The following DSP variants were observed in gnomAD, a reference collection of about 807,000 sequenced individuals.
The protein encoded by DSP is desmoplakin, also known as 250/210 kDa paraneoplastic pemphigus antigen.
Under a neutral mutation model 290.6 loss-of-function variants are expected in DSP, and 114 were observed. The ratio of observed to expected loss-of-function variants is 0.39; its 90% CI spans 0.34 to 0.46. The LOEUF (loss-of-function observed/expected upper bound fraction) is 0.46. Among genes scored for constraint, DSP ranks in the 20% least tolerant of loss-of-function variants. The pLI is 0.99. For missense variants in DSP, 3,230 were observed against 3,495.8 expected (o/e 0.92, Z 1.92); for synonymous variants, 1,311 against 1,316.4 (o/e 1.00, Z 0.09).
At chr6:7,574,035 G>C in intron 15 of DSP, 51 bp from the exon 16 acceptor site, 1 of 1,590,820 alleles carries the variant, frequency 6.3e-7, no homozygotes, top group Non-Finnish European at 8.6e-7. Flanking sequence ...AATATATACA[G>C]TAATAAAAAG....
At chr6:7,544,153 T>C (rs1436640951) in intron 1 of DSP, among the ~76,000 whole-genome samples, 2 of 152,248 alleles carry the variant, frequency 1.3e-5, no homozygotes, top group African/African-American at 4.8e-5. Flanking sequence ...GCGGTCATTC[T>C]TTCCGGGGAT....
Position 7,555,834 on chromosome 6 carries a change from G to C in DSP, c.273+14G>C. ...ATCGTGCAGCCTGTAAGCTTTCCCT[G>C]TTCCCATCGCTTCTCCCAAAGCCTT... On this transcript the variant is annotated intron_variant, in intron 2 of 23. Transcript: ENST00000379802. 1 of 1,611,604 alleles carries C rather than the reference G, an allele frequency of 6.2e-7. No individual in the cohort carries two copies. Among genetic ancestry groups the C allele is most frequent in the South Asian group, 1.1e-5 (1 of 90,854 alleles).
In DSP at chr6:7,586,028, G is replaced by C; in HGVS notation, c.*150G>C. The C allele has an allele frequency of 1.2e-6, 1 of 822,520 alleles. No individual in the cohort carries two copies. Among genetic ancestry groups the C allele is most frequent in the South Asian group, 1.7e-5 (1 of 60,332 alleles). 51.0% of individuals were successfully genotyped at this position (822,520 alleles called of 1,614,324 possible). On this transcript the variant is annotated 3_prime_UTR_variant, in exon 24 of 24. Transcript: ENST00000379802. ...ATATAGCCATGATTGAAATCAAATA[G>C]TAAAGGCTGTTCTGGCTTTTTATCT...
rs1242998482 is a variant in DSP, at chr6:7,567,457, T to C, written c.1140+8T>C. 3 of 1,609,154 alleles carry C rather than the reference T, an allele frequency of 1.9e-6. No individual in the cohort carries two copies. The African/African-American group carries it at 4.0e-5, about 21-fold the overall frequency. On this transcript the variant is annotated splice_region_variant and intron_variant, in intron 9 of 23. Transcript: ENST00000379802. ...AATGCTGCCTACTTTCAGGTTTTTA[T>C]ATTTAGTGATAATTTTGTTGTTATT...
chr6:7,552,279 G>C (rs1489897509), intron 1 of DSP, among the ~76,000 whole-genome samples: 3 of 152,130 alleles, frequency 2.0e-5, no homozygotes, highest in East Asian at 1.9e-4. Flanking sequence ...TATGAGACAG[G>C]GCGCGGTGGC....
In DSP at chr6:7,585,664, G is replaced by T; in HGVS notation, c.8402G>T (p.Arg2801Leu). The T allele has an allele frequency of 6.2e-7, 1 of 1,614,220 alleles. No individual in the cohort carries two copies. Among genetic ancestry groups the T allele is most frequent in the Non-Finnish European group, 8.5e-7 (1 of 1,180,042 alleles). The change falls in exon 24 of 24, where the codon CGC becomes CTC. Residue 2801 changes from arginine (R) to leucine (L), a missense_variant. Around this residue, in one of 5 missense-constraint regions of DSP, gnomAD observed 582 missense variants for 555.4 expected, o/e 1.05. Coordinates refer to ENST00000379802, the MANE Select transcript of DSP (RefSeq NM_004415.4). ...RSMVEDITGL[R>L]LLEAASVSSK... ...ATGGTAGAAGATATCACTGGGCTGC[G>T]CCTTCTGGAAGCCGCCTCCGTGTCG...
Position 7,584,898 on chromosome 6 carries a change from C to G in DSP, c.7636C>G (p.Gln2546Glu), listed in dbSNP as rs1759584938. 1 of 1,614,066 alleles carries G rather than the reference C, an allele frequency of 6.2e-7. No individual in the cohort carries two copies. The highest frequency in any genetic ancestry group is 1.1e-5 in the South Asian group (1 of 91,088). Residue 2546 changes from glutamine (Q) to glutamate (E), a missense_variant, in exon 24 of 24, where the codon CAG becomes GAG. Transcript: ENST00000379802. This position sits in a 1 kb window ranked among gnomAD's most constrained non-coding sequence, Gnocchi z 6.4. Reference sequence around the variant, plus strand: ...CCTTGTTGACAGGAAGTTCTTTGATCAGTACCGATCCGGCAGCCTCAGCCT... The same window carrying G: ...CCTTGTTGACAGGAAGTTCTTTGATGAGTACCGATCCGGCAGCCTCAGCCT... ...KGLVDRKFFD[Q>E]YRSGSLSLTQ...
At chr6:7,563,319 T>G (rs1417475805) in intron 5 of DSP, among the ~76,000 whole-genome samples, 1 of 151,676 alleles carries the variant, frequency 6.6e-6, no homozygotes, top group Non-Finnish European at 1.5e-5. Context: ...TAAACTTTTT[T>G]TTTTTTTTTT....
At chr6:7,570,647 T>C in intron 13 of DSP, 84 bp downstream of exon 13, 2 of 1,590,490 alleles carry the variant, frequency 1.3e-6, no homozygotes, top group Non-Finnish European at 1.7e-6. Context: ...TTCAACCTTC[T>C]TGCTGTGTAG....
At position 7,583,589 on chromosome 6, in the gene DSP, A is replaced by C; in HGVS notation, c.6327A>C (p.Glu2109Asp). 6.2e-7 allele frequency: 1 copy of C among 1,614,224 alleles called. No individual in the cohort carries two copies. The highest frequency in any genetic ancestry group is 8.5e-7 in the Non-Finnish European group (1 of 1,180,040). ...PFSGKTVSVSEAIKKNLIDRE... is the reference protein window; with the variant it reads ...PFSGKTVSVSDAIKKNLIDRE... Reference sequence around the variant, plus strand: ...CAGGCAAGACAGTATCTGTTTCAGAAGCCATCAAGAAAAATTTGATTGATA... The same window carrying C: ...CAGGCAAGACAGTATCTGTTTCAGACGCCATCAAGAAAAATTTGATTGATA... Residue 2109 changes from glutamate to aspartate, a missense_variant, in exon 24 of 24, where the codon GAA becomes GAC. This residue lies in a region of DSP where 1,714 missense variants were observed against 1,844.5 expected (regional missense o/e 0.93). Coordinates refer to ENST00000379802, the MANE Select transcript of DSP (RefSeq NM_004415.4). The surrounding 1 kb of genome is among the most constrained non-coding windows in gnomAD (Gnocchi z 4.0).
Position 7,582,858 on chromosome 6 carries a change from C to T in DSP, c.5596C>T (p.Gln1866Ter), listed in dbSNP as rs1199138047. The T allele has an allele frequency of 6.2e-7, 1 of 1,614,050 alleles. No homozygotes were observed. The highest frequency in any genetic ancestry group is 8.5e-7 in the Non-Finnish European group (1 of 1,180,018). Reference sequence around the variant, plus strand: ...ACAGCAAATTCAGAATGACCTGAATCAGTGGAAGACTCAATATTCCCGCAA... The same window carrying T: ...ACAGCAAATTCAGAATGACCTGAATTAGTGGAAGACTCAATATTCCCGCAA... ...EKQQIQNDLN[Q>*]WKTQYSRKEE... is the part of the protein sequence containing the mutation. The change falls in exon 24 of 24, where the codon CAG (glutamine) becomes TAG (stop). Residue 1866 changes from glutamine (Q) to a stop codon, truncating the protein, a stop_gained. Transcript: ENST00000379802. LOFTEE classifies it high-confidence loss of function. The surrounding 1 kb of genome is among the most constrained non-coding windows in gnomAD (Gnocchi z 4.2).
chr6:7,569,108 C>A, intron 11 of DSP, 78 bp from the exon 12 acceptor site: 1 of 1,595,276 alleles, frequency 6.3e-7, no homozygotes, highest in Non-Finnish European at 8.6e-7. Flanking sequence ...GTGTTCATCT[C>A]TGTTTCCATC....
At chr6:7,561,653 T>C (rs935389620) in intron 4 of DSP, among the ~76,000 whole-genome samples, 3 of 152,212 alleles carry the variant, frequency 2.0e-5, no homozygotes, top group Non-Finnish European at 2.9e-5. Context: ...GTCTCTGGTT[T>C]AAAGCCGAGA....
At chr6:7,576,601 C>CCCT in intron 19 of DSP, 145 bp downstream of exon 19, 2 of 1,060,088 alleles carry the variant, frequency 1.9e-6, no homozygotes, top group South Asian at 2.8e-5. Context: ...TTAAAGAATG[C>CCCT]CCAGAGGAAA....
chr6:7,547,287 C>A (rs563653349), intron 1 of DSP, among the ~76,000 whole-genome samples: 2 of 151,966 alleles, frequency 1.3e-5, no homozygotes, highest in African/African-American at 4.8e-5. Flanking sequence ...CTAGTGCAGT[C>A]CAATAATTTA....
chr6:7,561,888 G>T (rs1043841256), intron 4 of DSP, among the ~76,000 whole-genome samples: 3 of 152,182 alleles, frequency 2.0e-5, no homozygotes, highest in Non-Finnish European at 2.9e-5. Flanking sequence ...GCAAAAGAAG[G>T]GTGAGATAAT....
At chr6:7,556,604 A>G (rs756706038) in intron 2 of DSP, among the ~76,000 whole-genome samples, 3 of 152,180 alleles carry the variant, frequency 2.0e-5, no homozygotes, top group Non-Finnish European at 4.4e-5. Flanking sequence ...CCCCTTCTAA[A>G]TAGCCTACAT....
In DSP at chr6:7,580,503, CTG is replaced by C. The variant is rs757079451; in HGVS notation, c.4314_4315del (p.Glu1439GlyfsTer11). On this transcript the variant is annotated frameshift_variant, in exon 23 of 24. Coordinates refer to ENST00000379802, the MANE Select transcript of DSP (RefSeq NM_004415.4). LOFTEE classifies it high-confidence loss of function. This position sits in a 1 kb window ranked among gnomAD's most constrained non-coding sequence, Gnocchi z 4.2. ...ATCCAACAGCAAAAGGCCACTGGCT[CTG>C]AGGTGTCTCAGAGGAAACAGCAGCT... The C allele has an allele frequency of 6.2e-7, 1 of 1,614,048 alleles. No homozygotes were observed. The highest frequency in any genetic ancestry group is 2.2e-5 in the East Asian group (1 of 44,854).
intron 15 of DSP, among the ~76,000 whole-genome samples, chr6:7,572,819 C>G (rs1272324004): frequency 1.3e-5 from 2 of 152,172 alleles, no homozygotes; most frequent in Non-Finnish European, 2.9e-5. Context: ...CATACTTACA[C>G]AAACCTAGAT....
Sources: allele counts gnomAD v4.1 joint callset (sites outside exome capture counted in the v4.1 genomes callset), GRCh38; gene constraint gnomAD v4.1.1; regional missense constraint gnomAD v4.1.1; non-coding constraint Gnocchi (gnomAD v3.1); transcripts MANE v1.5; gene names NCBI Gene and HGNC (gene_info 2026-07-23, HGNC 2026-07-21).